The following FILIP1L variants were observed in gnomAD, a reference collection of about 807,000 sequenced individuals.
FILIP1L encodes the protein filamin A interacting protein 1 like.
In FILIP1L, 55 loss-of-function variants were observed where a neutral mutation model predicts 96.6. The observed-to-expected ratio is 0.57, with a 90% CI of 0.46 to 0.71. FILIP1L has a LOEUF of 0.71. Ranked by LOEUF, FILIP1L falls within the 30% of genes least tolerant of loss-of-function variation. The pLI is 0.00. For synonymous variants in FILIP1L, 467 were observed against 473.9 expected (o/e 0.99, Z 0.19); for missense variants, 1,304 against 1,321.2 (o/e 0.99, Z 0.20).
At chr3:99,871,947 CTTTTT>C (rs1576534792) in intron 4 of FILIP1L, among the ~76,000 whole-genome samples, 1 of 151,990 alleles carries the variant, frequency 6.6e-6, no homozygotes, top group Non-Finnish European at 1.5e-5. Flanking sequence ...TTATCCTTTG[CTTTTT>C]TATTGCTTAT....
intron 4 of FILIP1L, among the ~76,000 whole-genome samples, chr3:99,873,479 T>A (rs1030094560): frequency 2.0e-5 from 3 of 152,198 alleles, no homozygotes; most frequent in African/African-American, 7.2e-5. Context: ...CCCCTCTTCC[T>A]TTTTCCTTTA....
chr3:99,841,990 C>G (rs1180277219), intron 5 of FILIP1L, among the ~76,000 whole-genome samples: 1 of 151,964 alleles, frequency 6.6e-6, no homozygotes, highest in Admixed American at 6.6e-5. Context: ...GGTATCTGCC[C>G]AGAGGAAAAG....
intron 1 of FILIP1L, among the ~76,000 whole-genome samples, chr3:100,047,712 TCTAG>T (rs2065299834): frequency 6.6e-6 from 1 of 152,216 alleles, no homozygotes. Context: ...CCTGCCACTG[TCTAG>T]CTATAGCCTC....
intron 3 of FILIP1L, among the ~76,000 whole-genome samples, chr3:99,927,415 G>T (rs1219089195): frequency 6.6e-6 from 1 of 151,172 alleles, no homozygotes; most frequent in Non-Finnish European, 1.5e-5. Context: ...TGTTGTTCAG[G>T]CTGGAGTGCA....
chr3:99,941,304 G>A (rs1306464520), intron 1 of FILIP1L, among the ~76,000 whole-genome samples: 5 of 152,072 alleles, frequency 3.3e-5, no homozygotes, highest in African/African-American at 1.2e-4. Flanking sequence ...ACAGGTTCAC[G>A]AGTAAATACA....
chr3:100,060,915 A>G (rs1223503953), intron 1 of FILIP1L, among the ~76,000 whole-genome samples: 1 of 152,172 alleles, frequency 6.6e-6, no homozygotes, highest in Non-Finnish European at 1.5e-5. Context: ...ATACAGATCT[A>G]TCAATGGCCT....
At chr3:100,078,758 G>A (rs1449646269) in intron 1 of FILIP1L, among the ~76,000 whole-genome samples, 1 of 152,076 alleles carries the variant, frequency 6.6e-6, no homozygotes, top group Non-Finnish European at 1.5e-5. Flanking sequence ...GAGCATCATG[G>A]CGGGTGCCTG....
intron 4 of FILIP1L, among the ~76,000 whole-genome samples, chr3:99,886,520 G>A (rs1328247661): frequency 2.0e-5 from 3 of 152,152 alleles, no homozygotes; most frequent in South Asian, 2.1e-4. Flanking sequence ...CATGGACCAC[G>A]GCTTGGACAA....
chr3:99,979,600 G>T (rs1033873867), intron 1 of FILIP1L, among the ~76,000 whole-genome samples: 3 of 152,076 alleles, frequency 2.0e-5, no homozygotes, highest in South Asian at 2.1e-4. Context: ...CTAGAAAATG[G>T]TTTTTTAAAG....
intron 4 of FILIP1L, among the ~76,000 whole-genome samples, chr3:99,852,939 C>G (rs568156618): frequency 6.6e-6 from 1 of 152,184 alleles, no homozygotes; most frequent in South Asian, 2.1e-4. Flanking sequence ...GTTTTGAGAA[C>G]TTAACAGGAG....
At chr3:99,870,951 CT>C (rs1333224409) in intron 4 of FILIP1L, among the ~76,000 whole-genome samples, 1 of 152,156 alleles carries the variant, frequency 6.6e-6, no homozygotes, top group African/African-American at 2.4e-5. Context: ...CCATATTTTG[CT>C]TGAAGGCCAT....
At chr3:99,925,501 A>G (rs1707262680) in intron 3 of FILIP1L, among the ~76,000 whole-genome samples, 1 of 152,004 alleles carries the variant, frequency 6.6e-6, no homozygotes, top group Admixed American at 6.6e-5. Flanking sequence ...GGAAACTGAG[A>G]TTTTTTTTGT....
At chr3:99,831,630 G>A (rs912551306) in intron 5 of FILIP1L, among the ~76,000 whole-genome samples, 1 of 152,182 alleles carries the variant, frequency 6.6e-6, no homozygotes, top group Admixed American at 6.5e-5. Context: ...GCCTTCCCAA[G>A]ATGGATTTCT....
At chr3:99,845,430 G>GAAA (rs1943320169) in intron 5 of FILIP1L, among the ~76,000 whole-genome samples, 1 of 152,074 alleles carries the variant, frequency 6.6e-6, no homozygotes, top group South Asian at 2.1e-4. Context: ...TCAGAGAGAC[G>GAAA]AAAAAACAGT....
chr3:99,845,945 G>T (rs561613579), intron 5 of FILIP1L, among the ~76,000 whole-genome samples: 49 of 152,262 alleles, frequency 3.2e-4, no homozygotes, highest in African/African-American at 1.1e-3. Context: ...CCTCTATATA[G>T]TTAAAATCTG....
chr3:99,998,844 C>G (rs1366308089), intron 1 of FILIP1L, among the ~76,000 whole-genome samples: 1 of 152,240 alleles, frequency 6.6e-6, no homozygotes, highest in Non-Finnish European at 1.5e-5. Flanking sequence ...AATGGGATTA[C>G]AGGCGTGAGC....
chr3:100,059,766 A>G (rs962470300), intron 1 of FILIP1L, among the ~76,000 whole-genome samples: 2 of 152,184 alleles, frequency 1.3e-5, no homozygotes, highest in Admixed American at 1.3e-4. Flanking sequence ...CAGAGCTTCC[A>G]GTTTGTCAAG....
At position 99,849,690 on chromosome 3, in the gene FILIP1L, C is replaced by T. The variant is rs774173611; in HGVS notation, c.1986G>A (p.Arg662=). The T allele has an allele frequency of 1.9e-6, 3 of 1,613,546 alleles. No homozygotes were observed. In the Admixed American group the frequency reaches 5.0e-5, roughly 27 times the overall value. Residue 662 remains arginine, a synonymous_variant, in exon 5 of 6, where the codon AGG becomes AGA. Transcript: ENST00000477258. ...GAGCTTTGTCTCGTTCATTAGCATA[C>T]CTTCGTTCTAGAGTCTCATATTCAT... is the stretch of plus-strand genomic sequence containing the variant. The part of the protein sequence containing the change: ...TEDEYETLER[R]YANERDKAQF...
chr3:99,959,761 A>G (rs1441759851), intron 1 of FILIP1L, among the ~76,000 whole-genome samples: 2 of 152,216 alleles, frequency 1.3e-5, no homozygotes, highest in African/African-American at 2.4e-5. Context: ...CCCAGAGGAC[A>G]TGGGATAATT....
Sources: gnomAD v4.1 joint callset for allele counts (sites outside exome capture counted in the v4.1 genomes callset) on GRCh38, gnomAD v4.1.1 for gene constraint, MANE v1.5 for transcripts, NCBI Gene and HGNC (gene_info 2026-07-23, HGNC 2026-07-21) for gene names.